The following FYN variants were observed in gnomAD, a reference collection of about 807,000 sequenced individuals.
FYN encodes the protein FYN proto-oncogene, Src family tyrosine kinase, also known as tyrosine-protein kinase Fyn.
Under a neutral mutation model 70.2 loss-of-function variants are expected in FYN, and 10 were observed. The ratio of observed to expected loss-of-function variants is 0.14; its 90% confidence interval spans 0.09 to 0.24. The LOEUF is 0.24. Ranked by LOEUF, FYN falls within the 10% of genes least tolerant of loss-of-function variation. The pLI is 1.00. For synonymous variants in FYN, 236 were observed against 248.6 expected (o/e 0.95, Z 0.48); for missense variants, 319 against 673.1 (o/e 0.47, Z 5.82).
chr6:111,791,122 G>A (rs1032165157), intron 2 of FYN, among the ~76,000 whole-genome samples: 6 of 152,062 alleles, frequency 3.9e-5, no homozygotes, highest in African/African-American at 1.4e-4. Context: ...TGAACAAGAG[G>A]AACAGGGCTG....
chr6:111,693,399 A>G (rs1799434297), intron 12 of FYN, among the ~76,000 whole-genome samples: 1 of 152,112 alleles, frequency 6.6e-6, no homozygotes, highest in Non-Finnish European at 1.5e-5. Flanking sequence ...TGCCCCAGCT[A>G]TAAACATTAT....
At position 111,858,690 on chromosome 6, in the gene FYN, G is replaced by A. The variant is rs552240833; in HGVS notation, c.-122-12061C>T. ...GTTCTGTCCTCCCCTTGAAGTGATG[G>A]AATCCCTAGCTTCAATGGGGGAGAC... On this transcript the variant is annotated intron_variant, in intron 1 of 13. Coordinates refer to ENST00000354650, the MANE Select transcript of FYN (RefSeq NM_002037.5). 9.2e-5 allele frequency among the ~76,000 whole-genome samples: 14 copies of A among 152,184 alleles called. No individual in the cohort carries two copies. The East Asian group carries it at 2.5e-3, about 27-fold the overall frequency.
chr6:111,866,083 T>C (rs1440112784), intron 1 of FYN, among the ~76,000 whole-genome samples: 1 of 152,242 alleles, frequency 6.6e-6, no homozygotes, highest in African/African-American at 2.4e-5. Flanking sequence ...GTATGTCATA[T>C]GTGTATATAT....
At chr6:111,728,202 G>A (rs933719256) in intron 3 of FYN, among the ~76,000 whole-genome samples, 3 of 152,186 alleles carry the variant, frequency 2.0e-5, no homozygotes, top group South Asian at 2.1e-4. Flanking sequence ...AGGATGATAT[G>A]TTTTAACCCC....
intron 12 of FYN, among the ~76,000 whole-genome samples, chr6:111,676,135 C>CAATTA (rs1228396791): frequency 1.3e-5 from 2 of 152,050 alleles, no homozygotes; most frequent in African/African-American, 4.8e-5. Flanking sequence ...TTTTAATAGC[C>CAATTA]AGAGGTATGA....
chr6:111,724,957 C>G (rs543292589), intron 3 of FYN, among the ~76,000 whole-genome samples: 14 of 152,290 alleles, frequency 9.2e-5, no homozygotes, highest in African/African-American at 2.6e-4. Flanking sequence ...GAATTTAAAG[C>G]TGAACTGCAG....
intron 1 of FYN, among the ~76,000 whole-genome samples, chr6:111,864,649 G>C (rs980954765): frequency 1.3e-5 from 2 of 152,108 alleles, no homozygotes; most frequent in Non-Finnish European, 1.5e-5. Flanking sequence ...GGTTTTGAGG[G>C]GAGTCATCAG....
chr6:111,843,216 C>T lies in FYN; in HGVS notation c.-82+3373G>A, dbSNP rs144441536. Among the ~76,000 whole-genome samples, 9 of 152,264 alleles carry T rather than the reference C, an allele frequency of 5.9e-5. No individual in the cohort carries two copies. In the East Asian group the frequency reaches 1.5e-3, roughly 26 times the overall value. On this transcript the variant is annotated intron_variant, in intron 2 of 13. Coordinates refer to ENST00000354650, the MANE Select transcript of FYN (RefSeq NM_002037.5). ...CCAGACAAAGGCCATCCAGGATGCACGGAAACCAAACCTCTCTCCTCAGCC... is the reference window on the plus strand; with the variant it reads ...CCAGACAAAGGCCATCCAGGATGCATGGAAACCAAACCTCTCTCCTCAGCC...
At chr6:111,669,917 G>A (rs1798192792) in intron 13 of FYN, among the ~76,000 whole-genome samples, 3 of 151,868 alleles carry the variant, frequency 2.0e-5, no homozygotes. Flanking sequence ...TGTCATGGAG[G>A]CAAGCAGAAG....
chr6:111,799,040 G>C (rs1393104737), intron 2 of FYN, among the ~76,000 whole-genome samples: 1 of 152,118 alleles, frequency 6.6e-6, no homozygotes, highest in Non-Finnish European at 1.5e-5. Flanking sequence ...AAACGTTCAG[G>C]AACCATTCCA....
chr6:111,765,325 G>T lies in FYN; in HGVS notation c.-12+15241C>A, dbSNP rs1803187804. ...ATGAAAAATAAGTTCAAAGAGGTAG[G>T]GCCCTGATCCAATAGGGCTGGTCTT... On this transcript the variant is annotated intron_variant, in intron 3 of 13. Transcript: ENST00000354650. Among the ~76,000 whole-genome samples the T allele has an allele frequency of 1.3e-5, 2 of 152,118 alleles. 1 individual carries two copies. The highest frequency in any genetic ancestry group is 1.3e-4 in the Admixed American group (2 of 15,262).
intron 3 of FYN, among the ~76,000 whole-genome samples, chr6:111,741,901 T>C (rs1191455682): frequency 3.3e-5 from 5 of 152,248 alleles, no homozygotes; most frequent in African/African-American, 1.2e-4. Flanking sequence ...TTATGCTGGC[T>C]GTGCTGGTCC....
chr6:111,802,677 C>T (rs932062244), intron 2 of FYN, among the ~76,000 whole-genome samples: 2 of 152,104 alleles, frequency 1.3e-5, no homozygotes, highest in Non-Finnish European at 2.9e-5. Flanking sequence ...GATCCGCCTG[C>T]CTCAGCCTCC....
chr6:111,709,987 T>G (rs1244103198), intron 5 of FYN, among the ~76,000 whole-genome samples: 2 of 147,258 alleles, frequency 1.4e-5, no homozygotes, highest in Non-Finnish European at 2.9e-5. Flanking sequence ...AAACACTGTA[T>G]GTGTTTAAGG....
Position 111,694,752 on chromosome 6 carries a change from C to G in FYN, c.1043-48G>C. ...TTTCAATTTACTTTGAAAGATAATT[C>G]CCAACAGAGAGCTGTATTTGGTTTT... On this transcript the variant is annotated intron_variant, in intron 10 of 13. Coordinates refer to ENST00000354650, the MANE Select transcript of FYN (RefSeq NM_002037.5). This position sits in a 1 kb window ranked among gnomAD's most constrained non-coding sequence, Gnocchi z 5.0. 6.7e-7 allele frequency: 1 copy of G among 1,494,910 alleles called. No homozygotes were observed. The highest frequency in any genetic ancestry group is 9.3e-7 in the Non-Finnish European group (1 of 1,080,600). The allele number at this position is 1,494,910 out of a possible 1,614,324, so 92.6% of individuals were successfully genotyped here. A position where few individuals can be genotyped will look rare whatever the true frequency, so the allele number is the denominator to read the frequency against.
At chr6:111,870,390 G>T (rs896698719) in intron 1 of FYN, among the ~76,000 whole-genome samples, 3 of 152,168 alleles carry the variant, frequency 2.0e-5, no homozygotes, top group African/African-American at 7.2e-5. Context: ...TATTAAATGA[G>T]CAAGAATAAA....
chr6:111,783,723 C>A (rs969781428), intron 2 of FYN, among the ~76,000 whole-genome samples: 42 of 152,246 alleles, frequency 2.8e-4, no homozygotes, highest in African/African-American at 9.4e-4. Flanking sequence ...CCTCTTTCTT[C>A]TTCCCAAAAG....
At chr6:111,696,177 G>T in intron 10 of FYN, 100 bp downstream of exon 10, 1 of 1,055,628 alleles carries the variant, frequency 9.5e-7, no homozygotes, top group Non-Finnish European at 1.3e-6. Flanking sequence ...CTTGACCCAG[G>T]CAGAAACTAG....
chr6:111,727,712 T>C (rs1273365686), intron 3 of FYN, among the ~76,000 whole-genome samples: 1 of 152,184 alleles, frequency 6.6e-6, no homozygotes, highest in African/African-American at 2.4e-5. Flanking sequence ...GCAAAGGTTC[T>C]CTGGAGGGGG....
Sources: allele counts gnomAD v4.1 joint callset (sites outside exome capture counted in the v4.1 genomes callset), GRCh38; gene constraint gnomAD v4.1.1; non-coding constraint Gnocchi (gnomAD v3.1); transcripts MANE v1.5; gene names NCBI Gene and HGNC (gene_info 2026-07-23, HGNC 2026-07-21).